The following MRPL48 variants were observed in gnomAD, a reference collection of about 807,000 sequenced individuals.
MRPL48 encodes the protein mitochondrial ribosomal protein L48.
Under a neutral mutation model 32.9 loss-of-function variants are expected in MRPL48, and 16 were observed. The ratio of observed to expected loss-of-function variants is 0.49; its 90% CI spans 0.33 to 0.74. MRPL48 has a LOEUF of 0.74. Ranked by LOEUF, MRPL48 falls within the 30% of genes least tolerant of loss-of-function variation. MRPL48 has a pLI of 0.02. For synonymous variants in MRPL48, 94 were observed against 89.2 expected (o/e 1.05, Z -0.31); for missense variants, 206 against 245.3 (o/e 0.84, Z 1.07).
At chr11:73,809,064 G>C (rs1288675703) in intron 3 of MRPL48, among the ~76,000 whole-genome samples, 1 of 152,030 alleles carries the variant, frequency 6.6e-6, no homozygotes, top group East Asian at 1.9e-4. Flanking sequence ...AGGATCTCTT[G>C]AGCCCAGGTT....
rs372683235 is a variant in MRPL48 at position 73,804,560 on chromosome 11, GC to G, written c.22-466del. ...GCTGGGATTACAGGCATGAGCCACC[GC>G]ACCTGGCCATTAAGTCAGTCCTCTT... On this transcript the variant is annotated intron_variant, in intron 1 of 7. Transcript: ENST00000310614. 6.2e-3 allele frequency among the ~76,000 whole-genome samples: 939 copies of G among 152,226 alleles called. 4 individuals carry two copies. The highest frequency in any genetic ancestry group is 0.027 in the Middle Eastern group (8 of 294).
At chr11:73,850,883 A>G (rs574033495) in intron 5 of MRPL48, 101 of 246,276 alleles carry the variant, frequency 4.1e-4, no homozygotes, top group Middle Eastern at 1.5e-3. Context: ...TCACCATGTT[A>G]GCCAGGATGG....
intron 3 of MRPL48, among the ~76,000 whole-genome samples, chr11:73,825,009 T>A (rs1373463939): frequency 9.2e-5 from 14 of 152,204 alleles, no homozygotes; most frequent in Admixed American, 9.2e-4. Flanking sequence ...ATTTGTCCCC[T>A]CAAATCATCT....
At chr11:73,820,065 G>A (rs189477280) in intron 3 of MRPL48, among the ~76,000 whole-genome samples, 4 of 152,134 alleles carry the variant, frequency 2.6e-5, no homozygotes, top group Non-Finnish European at 5.9e-5. Context: ...ACAACTTAGC[G>A]GGGGCTACCA....
Position 73,855,172 on chromosome 11 carries a change from C to CT in MRPL48, c.372-4728dup, listed in dbSNP as rs570994063. ...GTGGCAAGTTCTGGAGTTAAACCTA[C>CT]TTTTTTTCCTAATTCTCTATTCTTC... On this transcript the variant is annotated intron_variant, in intron 5 of 7. Coordinates refer to ENST00000310614, the MANE Select transcript of MRPL48 (RefSeq NM_016055.6). Among the ~76,000 whole-genome samples, 44 of 152,160 alleles carry CT rather than the reference C, an allele frequency of 2.9e-4. No individual in the cohort carries two copies. In the East Asian group the frequency reaches 8.3e-3, roughly 29 times the overall value.
chr11:73,824,967 A>G (rs1947856891), intron 3 of MRPL48, among the ~76,000 whole-genome samples: 2 of 152,206 alleles, frequency 1.3e-5, no homozygotes, highest in African/African-American at 2.4e-5. Flanking sequence ...GAGGTCAGCT[A>G]CCACCAAATC....
intron 4 of MRPL48, among the ~76,000 whole-genome samples, chr11:73,840,660 C>T (rs1948172112): frequency 6.6e-6 from 1 of 152,028 alleles, no homozygotes. Flanking sequence ...CCACCACGCC[C>T]AGCTAATTTT....
intron 2 of MRPL48, among the ~76,000 whole-genome samples, chr11:73,806,061 TCTCCCTAGTTTA>T (rs557182942): frequency 1.8e-4 from 27 of 152,230 alleles, no homozygotes; most frequent in African/African-American, 6.5e-4. Context: ...TCCCAACTGG[TCTCCCTAGTTTA>T]CCTTTGTCTT....
chr11:73,803,855 TG>T (rs1355225632), intron 1 of MRPL48, among the ~76,000 whole-genome samples: 8 of 152,132 alleles, frequency 5.3e-5, no homozygotes, highest in Non-Finnish European at 8.8e-5. Flanking sequence ...TCATTATATT[TG>T]TTTTTTTGTT....
intron 5 of MRPL48, chr11:73,845,241 C>T (rs12789142): frequency 0.057 from 15,934 of 281,344 alleles, 489 homozygotes; most frequent in Middle Eastern, 0.098. Context: ...TTAACTTCTC[C>T]AGAATATCAT....
chr11:73,831,644 C>T (rs1947997469), intron 4 of MRPL48, among the ~76,000 whole-genome samples: 1 of 151,648 alleles, frequency 6.6e-6, no homozygotes, highest in Non-Finnish European at 1.5e-5. Flanking sequence ...TTATATTTCA[C>T]AGAAGTAAAA....
At chr11:73,802,789 C>T (rs572852371) in intron 1 of MRPL48, among the ~76,000 whole-genome samples, 1 of 152,090 alleles carries the variant, frequency 6.6e-6, no homozygotes, top group Non-Finnish European at 1.5e-5. Flanking sequence ...AGCCTCAGCC[C>T]TCTGGGTCCA....
At chr11:73,857,012 G>A (rs1172600693) in intron 5 of MRPL48, among the ~76,000 whole-genome samples, 1 of 151,864 alleles carries the variant, frequency 6.6e-6, no homozygotes, top group Non-Finnish European at 1.5e-5. Flanking sequence ...CCCCCTTTCC[G>A]CCCCTTCTTG....
At chr11:73,827,622 A>C (rs1186240473) in intron 4 of MRPL48, among the ~76,000 whole-genome samples, 1 of 151,954 alleles carries the variant, frequency 6.6e-6, no homozygotes, top group African/African-American at 2.4e-5. Context: ...TTTTGGGGAG[A>C]CTTCAATATC....
At chr11:73,810,865 A>T (rs1268850433) in intron 3 of MRPL48, among the ~76,000 whole-genome samples, 1 of 152,194 alleles carries the variant, frequency 6.6e-6, no homozygotes, top group Non-Finnish European at 1.5e-5. Context: ...TATATTAAGC[A>T]GCCCATTGGA....
rs571484517 is a variant in MRPL48 at position 73,816,100 on chromosome 11, C to T, written c.112+7750C>T. Among the ~76,000 whole-genome samples the T allele has an allele frequency of 2.0e-3, 305 of 151,692 alleles. 1 individual carries two copies. Among genetic ancestry groups the T allele is most frequent in the African/African-American group, 6.9e-3 (286 of 41,382 alleles). ...TATTTGAGAGGGAGTCTTGCTCTGTCGCCCAGGCTGGAGTGCAGTGGCGCG... is the reference window on the plus strand; with the variant it reads ...TATTTGAGAGGGAGTCTTGCTCTGTTGCCCAGGCTGGAGTGCAGTGGCGCG... On this transcript the variant is annotated intron_variant, in intron 3 of 7. Transcript: ENST00000310614.
Position 73,845,207 on chromosome 11 carries a change from G to C in MRPL48, c.371+231G>C, listed in dbSNP as rs188715631. The stretch of plus-strand genomic sequence containing the variant: ...CCCACTCAAGTCCCTGGCAACCACA[G>C]ACCAATTTTCTGGCCCTATTGTTTT... On this transcript the variant is annotated intron_variant, in intron 5 of 7. Coordinates refer to ENST00000310614, the MANE Select transcript of MRPL48 (RefSeq NM_016055.6). 3 of 357,512 alleles carry C rather than the reference G, an allele frequency of 8.4e-6. No homozygotes were observed. The Admixed American group carries it at 1.3e-4, about 16-fold the overall frequency. The allele number at this position is 357,512 out of a possible 1,614,324, so 22.1% of individuals were successfully genotyped here.
chr11:73,826,773 TC>T (rs1409952301), intron 4 of MRPL48, among the ~76,000 whole-genome samples: 7 of 148,580 alleles, frequency 4.7e-5, no homozygotes, highest in East Asian at 3.9e-4. Flanking sequence ...TACTGTATTT[TC>T]TTTTTTTTTT....
At chr11:73,799,046 G>C (rs1028586256) in intron 1 of MRPL48, among the ~76,000 whole-genome samples, 1 of 151,892 alleles carries the variant, frequency 6.6e-6, no homozygotes, top group Admixed American at 6.6e-5. Context: ...GGCACTGAGA[G>C]TGGAAAGCCA....
Sources: allele counts gnomAD v4.1 joint callset (sites outside exome capture counted in the v4.1 genomes callset), GRCh38; gene constraint gnomAD v4.1.1; transcripts MANE v1.5; gene names NCBI Gene and HGNC (gene_info 2026-07-23, HGNC 2026-07-21).